Variants in AVEN observed in about 807,000 individuals in gnomAD.
AVEN encodes the protein apoptosis and caspase activation inhibitor, also known as cell death regulator Aven.
Under a neutral mutation model 38.1 loss-of-function variants are expected in AVEN, and 41 were observed. The ratio of observed to expected loss-of-function variants is 1.08; its 90% CI spans 0.84 to 1.40. The LOEUF (loss-of-function observed/expected upper bound fraction) is 1.40. Among genes scored for constraint, AVEN ranks in the 40% most tolerant of loss-of-function variants. AVEN has a pLI of 0.00. For missense variants in AVEN, 605 were observed against 438.8 expected, an observed-to-expected ratio of 1.38 and a Z score of -3.38; for synonymous variants, 206 against 171.8, an observed-to-expected ratio of 1.20 and a Z score of -1.56.
intron 2 of AVEN, among the ~76,000 whole-genome samples, chr15:33,966,196 C>T (rs1208925985): frequency 1.3e-5 from 2 of 152,204 alleles, no homozygotes; most frequent in Non-Finnish European, 1.5e-5. Context: ...TGCATATTTG[C>T]AAAGTGTTCT....
intron 3 of AVEN, among the ~76,000 whole-genome samples, chr15:33,873,263 C>G (rs1035672178): frequency 1.3e-5 from 2 of 150,830 alleles, no homozygotes; most frequent in African/African-American, 4.9e-5. Flanking sequence ...CCACGCCCAG[C>G]TAATTTTTGT....
chr15:33,969,408 TTTTA>T (rs914887756), intron 2 of AVEN, among the ~76,000 whole-genome samples: 3 of 151,952 alleles, frequency 2.0e-5, no homozygotes, highest in Admixed American at 6.6e-5. Context: ...CCCAATTTTG[TTTTA>T]TTTAATAGCT....
upstream of AVEN, among the ~76,000 whole-genome samples, chr15:34,039,796 C>T (rs530415912): frequency 1.3e-5 from 2 of 152,272 alleles, no homozygotes; most frequent in African/African-American, 2.4e-5. Flanking sequence ...GGATGACTGT[C>T]ATCCTTATTC....
At chr15:33,915,926 T>G (rs1270870520) in intron 2 of AVEN, among the ~76,000 whole-genome samples, 1 of 152,074 alleles carries the variant, frequency 6.6e-6, no homozygotes, top group East Asian at 1.9e-4. Flanking sequence ...CCTGGTGACC[T>G]GCATGACACA....
intron 3 of AVEN, among the ~76,000 whole-genome samples, chr15:33,872,988 G>A (rs1412520111): frequency 6.6e-6 from 1 of 151,834 alleles, no homozygotes; most frequent in African/African-American, 2.4e-5. Context: ...CGTGACGCCC[G>A]GTCCCTCTCC....
chr15:33,980,259 C>G (rs959245491), intron 2 of AVEN, among the ~76,000 whole-genome samples: 3 of 142,772 alleles, frequency 2.1e-5, no homozygotes, highest in African/African-American at 7.4e-5. Context: ...GACATGCACA[C>G]TCCCACACAG....
intron 2 of AVEN, among the ~76,000 whole-genome samples, chr15:33,976,886 C>G (rs1438016312): frequency 6.6e-6 from 1 of 152,106 alleles, no homozygotes; most frequent in Non-Finnish European, 1.5e-5. Flanking sequence ...CTTCCCATCC[C>G]TGAGTCAGCC....
At chr15:34,051,214 A>G (rs1240576408) in intron 5 of AVEN, among the ~76,000 whole-genome samples, 1 of 152,212 alleles carries the variant, frequency 6.6e-6, no homozygotes, top group Non-Finnish European at 1.5e-5. Context: ...ACACAACTAC[A>G]TGGAAACTGA....
chr15:34,031,498 T>C (rs8032480), intron 1 of AVEN, among the ~76,000 whole-genome samples: 3,138 of 152,302 alleles, frequency 0.021, 102 homozygotes, highest in African/African-American at 0.071. Context: ...ATTAAAATGT[T>C]TGCTATCCCT....
At chr15:33,903,302 G>T (rs1892561739) in intron 2 of AVEN, among the ~76,000 whole-genome samples, 1 of 152,202 alleles carries the variant, frequency 6.6e-6, no homozygotes, top group African/African-American at 2.4e-5. Context: ...CACTGACATG[G>T]ATGGCACAAA....
chr15:33,884,103 C>T (rs1443559241), intron 2 of AVEN, among the ~76,000 whole-genome samples: 7 of 152,164 alleles, frequency 4.6e-5, no homozygotes, highest in Non-Finnish European at 8.8e-5. Flanking sequence ...CCCACCTCAG[C>T]CTCCCCTCCC....
chr15:34,032,057 GA>G (rs1052714350), intron 1 of AVEN, among the ~76,000 whole-genome samples: 21 of 140,490 alleles, frequency 1.5e-4, no homozygotes, highest in South Asian at 4.5e-4. Context: ...TCTAACAAAA[GA>G]AAAAAAAAAT....
At chr15:33,924,678 G>C (rs1363482382) in intron 2 of AVEN, among the ~76,000 whole-genome samples, 1 of 152,128 alleles carries the variant, frequency 6.6e-6, no homozygotes, top group Non-Finnish European at 1.5e-5. Flanking sequence ...TATCAAATAC[G>C]TTCATGGAGT....
At chr15:34,064,669 G>A (rs1567495411) in intron 4 of AVEN, 2 of 249,838 alleles carry the variant, frequency 8.0e-6, no homozygotes, top group Non-Finnish European at 1.7e-5. Context: ...GAGACCAGGT[G>A]GAAACCTTTT....
downstream of AVEN, chr15:33,857,635 C>A: frequency 1.1e-5 from 10 of 942,398 alleles, no homozygotes; most frequent in Non-Finnish European, 1.6e-5. Context: ...GGCCTGATAG[C>A]TTTCTTAGCC....
intron 2 of AVEN, among the ~76,000 whole-genome samples, chr15:33,913,747 G>C (rs1267030529): frequency 6.6e-6 from 1 of 152,132 alleles, no homozygotes; most frequent in Non-Finnish European, 1.5e-5. Context: ...ATAAAGTCAA[G>C]AGCAAGGTAA....
intron 1 of AVEN, among the ~76,000 whole-genome samples, chr15:34,010,008 T>A (rs1404072531): frequency 6.6e-6 from 1 of 151,950 alleles, no homozygotes; most frequent in African/African-American, 2.4e-5. Context: ...TATAAACATA[T>A]GCTCCTAGGA....
At chr15:33,937,951 A>G (rs976231666) in intron 2 of AVEN, among the ~76,000 whole-genome samples, 28 of 133,482 alleles carry the variant, frequency 2.1e-4, no homozygotes, top group Non-Finnish European at 4.2e-4. Context: ...AAAAAAAAAA[A>G]AAAAAAAGAA....
chr15:34,056,124 C>T lies in AVEN; in HGVS notation n.1637+6798G>A, dbSNP rs181895428. 1.4e-3 allele frequency among the ~76,000 whole-genome samples: 215 copies of T among 152,238 alleles called. 1 individual carries two copies. The highest frequency in any genetic ancestry group is 4.9e-3 in the African/African-American group (204 of 41,546). On this transcript the variant is annotated intron_variant and non_coding_transcript_variant, in intron 5 of 11. Transcript: ENST00000675287. ...ACTTCCAAAGCAGCTAAGTAACTGC[C>T]GTTTCCCTAGTTAAGAATAGAAGAA...
Sources: allele counts gnomAD v4.1 joint callset (sites outside exome capture counted in the v4.1 genomes callset), GRCh38; gene constraint gnomAD v4.1.1; transcripts MANE v1.5; gene names NCBI Gene and HGNC (gene_info 2026-07-23, HGNC 2026-07-21).